STRN: variants seen among roughly 807,000 people sequenced by gnomAD.
STRN encodes the protein protein phosphatase 2 regulatory subunit B'''alpha.
In STRN, 53 loss-of-function variants were observed where a neutral mutation model predicts 96.3. The ratio of observed to expected loss-of-function variants is 0.55; its 90% CI spans 0.44 to 0.69. The LOEUF is 0.69. Among genes scored for constraint, STRN ranks in the 30% least tolerant of loss-of-function variants. The pLI is 0.00. For missense variants in STRN, 987 were observed against 963.9 expected, an observed-to-expected ratio of 1.02 and a Z score of -0.32; for synonymous variants, 428 against 355.9, an observed-to-expected ratio of 1.20 and a Z score of -2.28.
intron 1 of STRN, among the ~76,000 whole-genome samples, chr2:36,964,191 G>A (rs1212356116): frequency 1.5e-5 from 2 of 136,524 alleles, no homozygotes; most frequent in East Asian, 2.6e-4. Context: ...GGGGCGGGGG[G>A]AAGGATGGGT....
At chr2:36,895,191 G>T (rs1372181470) in intron 6 of STRN, among the ~76,000 whole-genome samples, 1 of 152,064 alleles carries the variant, frequency 6.6e-6, no homozygotes, top group African/African-American at 2.4e-5. Context: ...GCCAGGCATG[G>T]TGGCAGGCAC....
At chr2:36,945,934 T>C (rs1422842799) in intron 1 of STRN, among the ~76,000 whole-genome samples, 1 of 152,182 alleles carries the variant, frequency 6.6e-6, no homozygotes, top group Admixed American at 6.5e-5. Context: ...TTAACAGTTA[T>C]ACAGTTTTCA....
intron 2 of STRN, among the ~76,000 whole-genome samples, chr2:36,921,059 G>A (rs990118601): frequency 2.6e-5 from 4 of 151,750 alleles, no homozygotes; most frequent in South Asian, 2.1e-4. Context: ...TGGTGACAGA[G>A]CAAGGCTCTG....
chr2:36,919,549 G>A lies in STRN; in HGVS notation c.339-3398C>T, dbSNP rs570086337. Among the ~76,000 whole-genome samples, 58 of 152,202 alleles carry A rather than the reference G, an allele frequency of 3.8e-4. 1 individual carries two copies. In the South Asian group the frequency reaches 0.011, roughly 30 times the overall value. On this transcript the variant is annotated intron_variant, in intron 2 of 17. Transcript: ENST00000263918. ...ATAATTACACCCAAAAGGTATGGAA[G>A]GAATGGAGACAGAGAAGGGACAGAA...
At chr2:36,875,659 ATTT>A (rs70946955) in intron 10 of STRN, among the ~76,000 whole-genome samples, 8 of 142,490 alleles carry the variant, frequency 5.6e-5, no homozygotes, top group Admixed American at 1.4e-4. Context: ...AATAGAAATG[ATTT>A]TTTTTTTTTT....
chr2:36,936,404 A>C (rs1289214860), intron 1 of STRN, among the ~76,000 whole-genome samples: 1 of 152,200 alleles, frequency 6.6e-6, no homozygotes, highest in East Asian at 1.9e-4. Flanking sequence ...ATTTTAATAC[A>C]ACTATGTGGA....
chr2:36,929,825 T>A (rs1471961902), intron 1 of STRN, among the ~76,000 whole-genome samples: 1 of 152,226 alleles, frequency 6.6e-6, no homozygotes, highest in African/African-American at 2.4e-5. Context: ...TTTCAGTTAC[T>A]TGCTATGGAA....
intron 7 of STRN, among the ~76,000 whole-genome samples, chr2:36,888,505 C>G (rs933944834): frequency 1.3e-5 from 2 of 152,114 alleles, no homozygotes; most frequent in African/African-American, 2.4e-5. Flanking sequence ...TATCTTAAGG[C>G]ATTTGCACTG....
chr2:36,933,595 G>A (rs1046932200), intron 1 of STRN, among the ~76,000 whole-genome samples: 1 of 152,208 alleles, frequency 6.6e-6, no homozygotes, highest in African/African-American at 2.4e-5. Context: ...GGGGCTAAAT[G>A]CATGAGTCTA....
chr2:36,947,043 G>A (rs988991867), intron 1 of STRN, among the ~76,000 whole-genome samples: 7 of 151,844 alleles, frequency 4.6e-5, no homozygotes, highest in East Asian at 1.9e-4. Flanking sequence ...CTACAGGCAC[G>A]TGCCACCAGG....
chr2:36,902,675 A>G lies in STRN; in HGVS notation c.568T>C (p.Ser190Pro), dbSNP rs1669718169. Residue 190 changes from serine (S) to proline (P), a missense_variant, in exon 5 of 18, where the codon TCA becomes CCA. Transcript: ENST00000263918. ...TCTTCCCTGTCCGTGACATCACTTG[A>G]AAAGCCCAACAAAGCTCGCACTCGT... Reference protein sequence around the residue: ...SKRVRALLGFSSDVTDREDDK... With the variant: ...SKRVRALLGFPSDVTDREDDK... 1 of 1,612,132 alleles carries G rather than the reference A, an allele frequency of 6.2e-7. No individual in the cohort carries two copies. The highest frequency in any genetic ancestry group is 8.5e-7 in the Non-Finnish European group (1 of 1,178,722).
At chr2:36,912,749 C>A (rs1002104830) in intron 3 of STRN, among the ~76,000 whole-genome samples, 1 of 152,174 alleles carries the variant, frequency 6.6e-6, no homozygotes, top group African/African-American at 2.4e-5. Context: ...GGCTTAAGCT[C>A]AAGACCCATA....
chr2:36,956,191 T>C (rs942815153), intron 1 of STRN, among the ~76,000 whole-genome samples: 6 of 152,198 alleles, frequency 3.9e-5, no homozygotes, highest in African/African-American at 1.4e-4. Flanking sequence ...CAATAGGACT[T>C]ATATAAATAA....
chr2:36,917,342 T>C (rs2148220595), intron 2 of STRN, among the ~76,000 whole-genome samples: 1 of 151,304 alleles, frequency 6.6e-6, no homozygotes. Flanking sequence ...GCTAACATGG[T>C]GAAACCCTGT....
Position 36,849,549 on chromosome 2 carries a change from CT to C in STRN, c.2249del (p.Lys750SerfsTer9). On this transcript the variant is annotated frameshift_variant, in exon 18 of 18. Coordinates refer to ENST00000263918, the MANE Select transcript of STRN (RefSeq NM_003162.4). LOFTEE classifies it high-confidence loss of function. Reference sequence around the variant, plus strand: ...CTACATCATGAATCGATTCTTCAAACTTTTTTCGATGAGCTGTGAATTCTTG... The same window carrying C: ...CTACATCATGAATCGATTCTTCAAACTTTTTCGATGAGCTGTGAATTCTTG... ...CIQEFTAHRKKFEESIHDVAF... is the reference protein window; with the variant it reads ...CIQEFTAHRKXFEESIHDVAF... 1 of 1,614,086 alleles carries C rather than the reference CT, an allele frequency of 6.2e-7. No individual in the cohort carries two copies.
At chr2:36,918,458 TTA>T (rs929057391) in intron 2 of STRN, among the ~76,000 whole-genome samples, 1 of 151,662 alleles carries the variant, frequency 6.6e-6, no homozygotes, top group Non-Finnish European at 1.5e-5. Flanking sequence ...TTTATATTTT[TTA>T]TATATATATA....
intron 14 of STRN, among the ~76,000 whole-genome samples, chr2:36,855,679 G>C (rs887790389): frequency 6.6e-6 from 1 of 152,148 alleles, no homozygotes; most frequent in Admixed American, 6.5e-5. Context: ...CTCAAGCTTA[G>C]AGTGACATAG....
At chr2:36,897,041 C>T (rs1669558360) in intron 6 of STRN, among the ~76,000 whole-genome samples, 1 of 152,008 alleles carries the variant, frequency 6.6e-6, no homozygotes, top group Admixed American at 6.6e-5. Flanking sequence ...GTGGTGCATG[C>T]TTGTAATCCC....
chr2:36,940,958 G>T (rs1162048898), intron 1 of STRN, among the ~76,000 whole-genome samples: 2 of 151,816 alleles, frequency 1.3e-5, no homozygotes, highest in Non-Finnish European at 2.9e-5. Context: ...TTTGAGATCT[G>T]CCTGGACAAC....
Sources: gnomAD v4.1 joint callset for allele counts (sites outside exome capture counted in the v4.1 genomes callset) on GRCh38, gnomAD v4.1.1 for gene constraint, MANE v1.5 for transcripts, NCBI Gene and HGNC (gene_info 2026-07-23, HGNC 2026-07-21) for gene names.